TVP23B: variants seen among roughly 807,000 people sequenced by gnomAD.
TVP23B encodes Golgi apparatus membrane protein TVP23 homolog B.
A neutral mutation model predicts 30.6 loss-of-function variants in TVP23B; 10 were observed. The observed-to-expected ratio is 0.33, with a 90% CI of 0.20 to 0.55. TVP23B has a LOEUF of 0.55. Ranked by LOEUF, TVP23B falls within the 20% of genes least tolerant of loss-of-function variation. TVP23B has a pLI of 0.91. For synonymous variants in TVP23B, 67 were observed against 83.1 expected (o/e 0.81, Z 1.06); for missense variants, 153 against 243.2 (o/e 0.63, Z 2.47).
chr17:18,790,140 A>G (rs1463259122), intron 2 of TVP23B, among the ~76,000 whole-genome samples: 2 of 152,308 alleles, frequency 1.3e-5, no homozygotes, highest in East Asian at 3.9e-4. Context: ...ATTGTATGAT[A>G]TGTGAATTAT....
Position 18,792,873 on chromosome 17 carries a change from A to G in TVP23B, c.240+1833A>G, listed in dbSNP as rs567323101. Among the ~76,000 whole-genome samples the G allele has an allele frequency of 7.2e-5, 11 of 152,292 alleles. No homozygotes were observed. In the East Asian group the frequency reaches 9.6e-4, roughly 13 times the overall value. On this transcript the variant is annotated intron_variant, in intron 3 of 6. Coordinates refer to ENST00000307767, the MANE Select transcript of TVP23B (RefSeq NM_016078.6). ...GGGTTCTGAAACAGTTAAAATAGAG[A>G]TGTGTCGTAATTGTTATAAATCTCA...
In TVP23B at chr17:18,791,688, A is replaced by C. The variant is rs562591607; in HGVS notation, c.240+648A>C. ...CTGCAACAAAGAACTACCTGACCCA[A>C]AATGTCAGTTGTGCCAAGGTTGAGA... On this transcript the variant is annotated intron_variant, in intron 3 of 6. Coordinates refer to ENST00000307767, the MANE Select transcript of TVP23B (RefSeq NM_016078.6). 2.8e-4 allele frequency among the ~76,000 whole-genome samples: 43 copies of C among 152,126 alleles called. 1 individual carries two copies. The highest frequency in any genetic ancestry group is 2.1e-3 in the Admixed American group (32 of 15,276).
At chr17:18,798,976 A>G in intron 5 of TVP23B, 33 bp downstream of exon 5, 2 of 1,593,646 alleles carry the variant, frequency 1.3e-6, no homozygotes, top group African/African-American at 1.4e-5. Context: ...CAAATAATCC[A>G]TTAAGATGTC....
intron 3 of TVP23B, chr17:18,796,183 CAT>C (rs1172687718): frequency 2.6e-5 from 4 of 151,928 alleles, no homozygotes; most frequent in Non-Finnish European, 5.9e-5. Flanking sequence ...TACCTATATT[CAT>C]AGTTTGTTGT....
At chr17:18,800,725 C>T (rs3906876) in intron 5 of TVP23B, among the ~76,000 whole-genome samples, 119,423 of 151,476 alleles carry the variant, frequency 0.79, 47,100 homozygotes, top group East Asian at 0.88. Flanking sequence ...ACAGGCAGAC[C>T]AAAGTTTTGC....
chr17:18,796,807 T>G (rs989993973), intron 3 of TVP23B: 9 of 152,238 alleles, frequency 5.9e-5, no homozygotes, highest in Admixed American at 2.6e-4. Flanking sequence ...TGGACACCAT[T>G]AATTAAACAT....
chr17:18,797,599 G>A lies in TVP23B; in HGVS notation c.261G>A (p.Met87Ile), dbSNP rs1257851385. 1 of 1,609,756 alleles carries A rather than the reference G, an allele frequency of 6.2e-7. No homozygotes were observed. The highest frequency in any genetic ancestry group is 8.5e-7 in the Non-Finnish European group (1 of 1,178,616). Residue 87 changes from methionine to isoleucine, a missense_variant, in exon 4 of 7, where the codon ATG (methionine) becomes ATA (isoleucine). This residue lies in a region of TVP23B where 53 missense variants were observed against 128.0 expected (regional missense o/e 0.41). Coordinates refer to ENST00000307767, the MANE Select transcript of TVP23B (RefSeq NM_016078.6). ...ACCAGAATGTCACAGGTAGACTAATGGTTGGCCTACGTTGGTGGAATCACA... is the reference window on the plus strand; with the variant it reads ...ACCAGAATGTCACAGGTAGACTAATAGTTGGCCTACGTTGGTGGAATCACA... ...WAVKNVTGRL[M>I]VGLRWWNHID...
chr17:18,803,897 A>G (rs2036206554), intron 5 of TVP23B, among the ~76,000 whole-genome samples: 1 of 152,214 alleles, frequency 6.6e-6, no homozygotes, highest in African/African-American at 2.4e-5. Flanking sequence ...TGCCTGGCAC[A>G]TAAGAGCAGT....
intron 1 of TVP23B, chr17:18,782,062 C>T (rs1201685554): frequency 2.0e-5 from 3 of 151,990 alleles, no homozygotes; most frequent in African/African-American, 7.3e-5. Context: ...ATTGCAAAGG[C>T]AGGGTGATGA....
intron 1 of TVP23B, chr17:18,781,664 T>G (rs953697628): frequency 5.4e-5 from 18 of 335,876 alleles, no homozygotes; most frequent in African/African-American, 3.2e-4. Flanking sequence ...GCGATGCTAT[T>G]TTGTAGGAAT....
Position 18,797,678 on chromosome 17 carries a change from C to CT in TVP23B, c.330+16dup, listed in dbSNP as rs752880071. 4 of 1,565,842 alleles carry CT rather than the reference C, an allele frequency of 2.6e-6. No homozygotes were observed. The highest frequency in any genetic ancestry group is 3.4e-6 in the Non-Finnish European group (4 of 1,160,126). On this transcript the variant is annotated intron_variant, in intron 4 of 6. Transcript: ENST00000307767. ...GTTTGAATCTAGAAAGGTAAAGTGC[C>CT]TTTTTTGTTTTAAATAATGTTATCA...
chr17:18,800,556 T>C (rs2036145148), intron 5 of TVP23B, among the ~76,000 whole-genome samples: 2 of 152,214 alleles, frequency 1.3e-5, no homozygotes, highest in Admixed American at 1.3e-4. Context: ...TGCTATTCCA[T>C]CATTTTCTTT....
At chr17:18,784,616 A>C (rs2035871660) in intron 1 of TVP23B, among the ~76,000 whole-genome samples, 2 of 152,192 alleles carry the variant, frequency 1.3e-5, no homozygotes, top group South Asian at 4.1e-4. Context: ...ACGCCATTGC[A>C]CTCCAGCCTG....
chr17:18,805,484 G>A (rs1446849972), intron 6 of TVP23B, 57 bp from the exon 7 acceptor site: 1 of 1,599,134 alleles, frequency 6.3e-7, no homozygotes, highest in African/African-American at 1.4e-5. Flanking sequence ...CAAGTCCATG[G>A]TGTGTGAAGT....
At position 18,805,078 on chromosome 17, in the gene TVP23B, C is replaced by CTT. The variant is rs71155360; in HGVS notation, c.592-439_592-438dup. ...AATTTCTTGGGAAAAGTGACTAGGT[C>CTT]TTTTTTTTTTTTTTTTTTTTTTTTT... On this transcript the variant is annotated intron_variant, in intron 6 of 6. Coordinates refer to ENST00000307767, the MANE Select transcript of TVP23B (RefSeq NM_016078.6). Among the ~76,000 whole-genome samples the CTT allele has an allele frequency of 8.8e-4, 96 of 108,738 alleles. 2 individuals carry two copies. The highest frequency in any genetic ancestry group is 5.2e-3 in the Middle Eastern group (1 of 192). 71.3% of individuals were successfully genotyped at this position (108,738 alleles called of 152,430 possible).
At position 18,789,310 on chromosome 17, in the gene TVP23B, C is replaced by T. The variant is rs2035955920; in HGVS notation, c.13-43C>T. 4 of 1,613,464 alleles carry T rather than the reference C, an allele frequency of 2.5e-6. No individual in the cohort carries two copies. The African/African-American group carries it at 5.3e-5, about 22-fold the overall frequency. On this transcript the variant is annotated intron_variant, in intron 1 of 6. Transcript: ENST00000307767. ...TTGCATTGCAGTGGCTGTGTAAACA[C>T]TGAATTTTGTTTTGCTTCTTGACCA...
intron 5 of TVP23B, among the ~76,000 whole-genome samples, chr17:18,801,690 GCATC>G (rs1486665585): frequency 2.0e-5 from 3 of 149,742 alleles, no homozygotes; most frequent in Non-Finnish European, 3.0e-5. Flanking sequence ...TAGAGCTTTA[GCATC>G]CATCCAAGAG....
chr17:18,788,316 G>A (rs2035939567), intron 1 of TVP23B, among the ~76,000 whole-genome samples: 1 of 100,804 alleles, frequency 9.9e-6, no homozygotes, highest in African/African-American at 4.2e-5. Flanking sequence ...GAGCGACAGA[G>A]CAAGACTCCA....
At chr17:18,799,875 T>A (rs1484890669) in intron 5 of TVP23B, among the ~76,000 whole-genome samples, 1 of 152,146 alleles carries the variant, frequency 6.6e-6, no homozygotes, top group Non-Finnish European at 1.5e-5. Flanking sequence ...TAGATTCTTT[T>A]TTTCTTTGTG....
Sources: gnomAD v4.1 joint callset for allele counts (sites outside exome capture counted in the v4.1 genomes callset) on GRCh38, gnomAD v4.1.1 for gene constraint, gnomAD v4.1.1 regional missense constraint, MANE v1.5 for transcripts, NCBI Gene and HGNC (gene_info 2026-07-23, HGNC 2026-07-21) for gene names.